PKD1L1: variants seen among roughly 807,000 people sequenced by gnomAD.
The protein encoded by PKD1L1 is polycystin 1 like 1, transient receptor potential channel interacting, also known as polycystin-1-like protein 1.
PKD1L1 carries 236 observed loss-of-function variants against 323.4 expected under a neutral mutation model. The ratio of observed to expected loss-of-function variants is 0.73; its 90% CI spans 0.66 to 0.81. The LOEUF is 0.81. Among genes scored for constraint, PKD1L1 ranks in the 40% least tolerant of loss-of-function variants. PKD1L1 has a pLI of 0.00. For synonymous variants in PKD1L1, 1,344 were observed against 1,335.0 expected (o/e 1.01, Z -0.15); for missense variants, 3,320 against 3,508.0 (o/e 0.95, Z 1.35).
chr7:47,860,858 C>G (rs1158361016), intron 26 of PKD1L1, among the ~76,000 whole-genome samples: 1 of 152,174 alleles, frequency 6.6e-6, no homozygotes, highest in Non-Finnish European at 1.5e-5. Context: ...GATTCATGCT[C>G]TGGAGCCTCA....
At chr7:47,938,595 C>T (rs1267996334) in intron 3 of PKD1L1, among the ~76,000 whole-genome samples, 1 of 152,182 alleles carries the variant, frequency 6.6e-6, no homozygotes, top group East Asian at 1.9e-4. Context: ...CCCTGTGTGA[C>T]CTTCGCCTGA....
At chr7:47,933,890 C>T (rs1036257615) in intron 4 of PKD1L1, among the ~76,000 whole-genome samples, 15 of 152,290 alleles carry the variant, frequency 9.8e-5, no homozygotes, top group East Asian at 3.9e-4. Context: ...TGCAGTCACT[C>T]GTGATGAGAG....
rs1785314533 is a variant in PKD1L1 at position 47,830,102 on chromosome 7, G to A, written c.6496C>T (p.Gln2166Ter). 1 of 1,614,120 alleles carries A rather than the reference G, an allele frequency of 6.2e-7. No homozygotes were observed. Among genetic ancestry groups the A allele is most frequent in the East Asian group, 2.2e-5 (1 of 44,872 alleles). Reference sequence around the variant, plus strand: ...GAGAGGGACAGCAGGTGCAGCCACTGCACACATTGCTCCTGGCCAAACCTG... The same window carrying A: ...GAGAGGGACAGCAGGTGCAGCCACTACACACATTGCTCCTGGCCAAACCTG... ...AYRFGQEQCV[Q>*]WLHLLSLSVV... The change falls in exon 43 of 57, where the codon CAG becomes TAG. Residue 2166 changes from glutamine (Q) to a stop codon, truncating the protein, a stop_gained. Coordinates refer to ENST00000289672, the MANE Select transcript of PKD1L1 (RefSeq NM_138295.5). LOFTEE classifies it high-confidence loss of function.
At chr7:47,919,127 A>G (rs760307684) in intron 7 of PKD1L1, among the ~76,000 whole-genome samples, 10 of 152,280 alleles carry the variant, frequency 6.6e-5, no homozygotes, top group African/African-American at 9.6e-5. Flanking sequence ...GACCATTAGC[A>G]AGATTAACCA....
Position 47,915,587 on chromosome 7 carries a change from T to C in PKD1L1, c.1073A>G (p.His358Arg). The change falls in exon 8 of 57, where the codon CAT becomes CGT. Residue 358 changes from histidine (H) to arginine (R), a missense_variant. Transcript: ENST00000289672. Reference protein sequence around the residue: ...YHQYSKGIFFHLLHFQLDMST... With the variant: ...YHQYSKGIFFRLLHFQLDMST... ...CATATCCAACTGAAAATGTAAAAGATGAAAAAAAATACCTATAAAAGCAAA... is the reference window on the plus strand; with the variant it reads ...CATATCCAACTGAAAATGTAAAAGACGAAAAAAAATACCTATAAAAGCAAA... 1 of 1,501,018 alleles carries C rather than the reference T, an allele frequency of 6.7e-7. No individual in the cohort carries two copies. The highest frequency in any genetic ancestry group is 9.1e-7 in the Non-Finnish European group (1 of 1,104,010). 93.0% of individuals were successfully genotyped at this position (1,501,018 alleles called of 1,614,324 possible).
rs529467426 is a variant in PKD1L1, at chr7:47,818,820, AT to A, written c.6965+2255del. Among the ~76,000 whole-genome samples, 50 of 151,518 alleles carry A rather than the reference AT, an allele frequency of 3.3e-4. No individual in the cohort carries two copies. In the South Asian group the frequency reaches 3.3e-3, roughly 10 times the overall value. ...TTGCTGGTTTATTTTTTGTTTTATTATTTTTTTTTGGAACTTCATGAAGTCT... is the reference window on the plus strand; with the variant it reads ...TTGCTGGTTTATTTTTTGTTTTATTATTTTTTTTGGAACTTCATGAAGTCT... On this transcript the variant is annotated intron_variant, in intron 46 of 56. Transcript: ENST00000289672.
chr7:47,837,740 T>C (rs1051627847), intron 36 of PKD1L1, among the ~76,000 whole-genome samples: 3 of 152,174 alleles, frequency 2.0e-5, no homozygotes, highest in African/African-American at 4.8e-5. Flanking sequence ...AGATACGTTG[T>C]TTAGGAATTG....
chr7:47,818,100 T>C (rs760432305), intron 46 of PKD1L1: 6 of 1,367,790 alleles, frequency 4.4e-6, no homozygotes, highest in South Asian at 3.4e-5. Flanking sequence ...GCAGAGCAAA[T>C]TGGAGGCCTG....
intron 19 of PKD1L1, 101 bp from the exon 20 acceptor site, chr7:47,882,186 TTG>T: frequency 8.3e-7 from 1 of 1,199,206 alleles, no homozygotes. Flanking sequence ...ATTTGTACTA[TTG>T]CTGGATACCG....
intron 19 of PKD1L1, among the ~76,000 whole-genome samples, chr7:47,882,599 G>A (rs896502735): frequency 5.3e-5 from 8 of 150,282 alleles, no homozygotes; most frequent in Non-Finnish European, 1.0e-4. Flanking sequence ...ACTAGAAGGA[G>A]CCCTTCAAGC....
At position 47,834,338 on chromosome 7, in the gene PKD1L1, C is replaced by T; in HGVS notation, c.6174+1G>A. Reference sequence around the variant, plus strand: ...GCTGCTGCGCATAATGATTGATTTACCTTGCGTGGCTCCTGTGCGTCTGGT... The same window carrying T: ...GCTGCTGCGCATAATGATTGATTTATCTTGCGTGGCTCCTGTGCGTCTGGT... On this transcript the variant is annotated splice_donor_variant, in intron 40 of 56. Transcript: ENST00000289672. LOFTEE classifies it high-confidence loss of function. 1 of 1,613,514 alleles carries T rather than the reference C, an allele frequency of 6.2e-7. No homozygotes were observed. The highest frequency in any genetic ancestry group is 1.1e-5 in the South Asian group (1 of 91,038).
At chr7:47,837,213 T>C (rs1186830652) in intron 36 of PKD1L1, 119 bp from the exon 37 acceptor site, 6 of 1,112,776 alleles carry the variant, frequency 5.4e-6, no homozygotes, top group South Asian at 4.5e-5. Context: ...TCTTCCATCC[T>C]AGCTGCTTAG....
intron 13 of PKD1L1, among the ~76,000 whole-genome samples, chr7:47,902,025 A>G (rs1449648929): frequency 6.7e-6 from 1 of 149,522 alleles, no homozygotes. Flanking sequence ...AAAAGAAAGG[A>G]AAGGAAAGGA....
chr7:47,943,571 C>G, intron 1 of PKD1L1, 60 bp from the exon 2 acceptor site: 2 of 1,286,778 alleles, frequency 1.6e-6, no homozygotes, highest in Non-Finnish European at 2.2e-6. Flanking sequence ...TAATCACAGA[C>G]ATCCTGTGAC....
At chr7:47,810,287 T>C (rs1035934356) in intron 50 of PKD1L1, among the ~76,000 whole-genome samples, 3 of 152,230 alleles carry the variant, frequency 2.0e-5, no homozygotes, top group Non-Finnish European at 4.4e-5. Context: ...AGCAGTGCTG[T>C]GCTGAGCCTT....
upstream of PKD1L1, among the ~76,000 whole-genome samples, chr7:47,952,388 G>T (rs965181759): frequency 6.6e-6 from 1 of 152,184 alleles, no homozygotes; most frequent in Non-Finnish European, 1.5e-5. Context: ...TTGGGGAAGT[G>T]AGCACAGGTA....
At chr7:47,890,185 G>A (rs901459785) in intron 16 of PKD1L1, among the ~76,000 whole-genome samples, 1 of 152,202 alleles carries the variant, frequency 6.6e-6, no homozygotes, top group Admixed American at 6.5e-5. Flanking sequence ...ACCCCTGGCT[G>A]GGAACTTGAT....
chr7:47,850,928 A>C (rs1785769246), intron 31 of PKD1L1, among the ~76,000 whole-genome samples: 1 of 152,136 alleles, frequency 6.6e-6, no homozygotes, highest in Non-Finnish European at 1.5e-5. Context: ...GAGCAAAGTG[A>C]ATTTTGCTCT....
chr7:47,931,366 C>T, intron 5 of PKD1L1, 45 bp from the exon 6 acceptor site: 1 of 1,597,118 alleles, frequency 6.3e-7, no homozygotes, highest in Non-Finnish European at 8.6e-7. Flanking sequence ...ATGGCCTCGT[C>T]TGGCATCAGT....
Sources: allele counts gnomAD v4.1 joint callset (sites outside exome capture counted in the v4.1 genomes callset), GRCh38; gene constraint gnomAD v4.1.1; transcripts MANE v1.5; gene names NCBI Gene and HGNC (gene_info 2026-07-23, HGNC 2026-07-21).